Variants in CAPSL observed in about 807,000 individuals in gnomAD.
The protein encoded by CAPSL is calcyphosine like, also known as calcyphosin-like protein.
A neutral mutation model predicts 21.3 loss-of-function variants in CAPSL; 17 were observed. The observed-to-expected ratio is 0.80, with a 90% CI of 0.55 to 1.20. The LOEUF (loss-of-function observed/expected upper bound fraction) is 1.20, where lower values mean the gene tolerates loss of function less well. Among genes scored for constraint, CAPSL ranks in the 50% most tolerant of loss-of-function variants. The pLI, the probability that CAPSL is intolerant of heterozygous loss-of-function variation, is 0.00. For missense variants in CAPSL, 289 were observed against 259.3 expected (o/e 1.11, Z -0.79); for synonymous variants, 102 against 89.3 (o/e 1.14, Z -0.80).
chr5:35,936,289 A>T (rs889236559), intron 1 of CAPSL, among the ~76,000 whole-genome samples: 1 of 152,066 alleles, frequency 6.6e-6, no homozygotes, highest in African/African-American at 2.4e-5. Flanking sequence ...TGCAACACAG[A>T]GGCCTACCCC....
chr5:35,906,909 T>A (rs776184962), intron 4 of CAPSL, among the ~76,000 whole-genome samples: 2 of 152,204 alleles, frequency 1.3e-5, no homozygotes, highest in Non-Finnish European at 2.9e-5. Context: ...CTAATGTATT[T>A]GATCATTTCA....
chr5:35,917,001 A>G (rs1483721815), intron 2 of CAPSL, among the ~76,000 whole-genome samples: 1 of 152,152 alleles, frequency 6.6e-6, no homozygotes, highest in Non-Finnish European at 1.5e-5. Flanking sequence ...TCTACAATGA[A>G]CTCAAACAAA....
chr5:35,924,419 G>T (rs1738614328), intron 1 of CAPSL, among the ~76,000 whole-genome samples: 1 of 152,196 alleles, frequency 6.6e-6, no homozygotes, highest in African/African-American at 2.4e-5. Context: ...GTTTGATGGT[G>T]CTTTCTCATA....
At chr5:35,920,553 T>A (rs777634664) in intron 2 of CAPSL, among the ~76,000 whole-genome samples, 9 of 152,202 alleles carry the variant, frequency 5.9e-5, no homozygotes, top group Non-Finnish European at 1.0e-4. Context: ...GCAATACCAG[T>A]GTCCCTGGAA....
intron 2 of CAPSL, 126 bp from the exon 3 acceptor site, chr5:35,910,669 T>G: frequency 3.0e-6 from 2 of 666,812 alleles, no homozygotes; most frequent in South Asian, 4.7e-5. Flanking sequence ...AATTCTTCTC[T>G]GCACCCTCCT....
chr5:35,911,422 G>A lies in CAPSL; in HGVS notation c.138-879C>T, dbSNP rs116107925. On this transcript the variant is annotated intron_variant, in intron 2 of 4. Coordinates refer to ENST00000651391, the MANE Select transcript of CAPSL (RefSeq NM_001042625.2). ...CTTGGTATAATGTGATAAAAATGGTGCTTTATGTCTGTGGTCCCTAAAAAT... is the reference window on the plus strand; with the variant it reads ...CTTGGTATAATGTGATAAAAATGGTACTTTATGTCTGTGGTCCCTAAAAAT... 2.7e-3 allele frequency among the ~76,000 whole-genome samples: 416 copies of A among 152,266 alleles called. 5 individuals carry two copies. The highest frequency in any genetic ancestry group is 9.8e-3 in the African/African-American group (408 of 41,544).
intron 1 of CAPSL, among the ~76,000 whole-genome samples, chr5:35,937,763 T>G (rs2149937251): frequency 6.6e-6 from 1 of 152,034 alleles, no homozygotes; most frequent in East Asian, 1.9e-4. Flanking sequence ...TGCCTGAAAT[T>G]CAAATCTCAA....
chr5:35,936,979 T>C (rs1269649155), intron 1 of CAPSL, among the ~76,000 whole-genome samples: 3 of 152,224 alleles, frequency 2.0e-5, no homozygotes, highest in Non-Finnish European at 2.9e-5. Flanking sequence ...ACCATTTACC[T>C]GGGTCATTAA....
At chr5:35,931,407 C>T (rs1738819530) in intron 1 of CAPSL, among the ~76,000 whole-genome samples, 2 of 149,318 alleles carry the variant, frequency 1.3e-5, no homozygotes, top group Non-Finnish European at 3.0e-5. Context: ...GCATAATATT[C>T]AAGAACCCAT....
rs1161458089 is a variant in CAPSL, at chr5:35,924,176, C to T, written c.1-3056G>A. ...GAGAAATCAGGTAACTTGCCCAAGT[C>T]GCACGGAAACATGACTCACAGTAAT... On this transcript the variant is annotated intron_variant, in intron 1 of 4. Coordinates refer to ENST00000651391, the MANE Select transcript of CAPSL (RefSeq NM_001042625.2). Among the ~76,000 whole-genome samples, 9 of 152,280 alleles carry T rather than the reference C, an allele frequency of 5.9e-5. No individual in the cohort carries two copies. In the East Asian group the frequency reaches 1.5e-3, roughly 26 times the overall value.
At chr5:35,919,191 A>ATATATATATATATATATATATATATATAT (rs1561439733) in intron 2 of CAPSL, among the ~76,000 whole-genome samples, 1 of 107,450 alleles carries the variant, frequency 9.3e-6, no homozygotes, top group African/African-American at 3.3e-5. Context: ...ATATATATAT[A>ATATATATATATATATATATATATATATAT]AAAATTGTGA....
intron 1 of CAPSL, among the ~76,000 whole-genome samples, chr5:35,922,994 G>T (rs1184706956): frequency 1.3e-5 from 2 of 152,024 alleles, no homozygotes; most frequent in African/African-American, 2.4e-5. Context: ...CCCTATGGAA[G>T]CAGGAACTGG....
chr5:35,915,870 A>C (rs1738371872), intron 2 of CAPSL, among the ~76,000 whole-genome samples: 1 of 152,250 alleles, frequency 6.6e-6, no homozygotes, highest in Non-Finnish European at 1.5e-5. Flanking sequence ...CAGAGCAATC[A>C]GACAGGAGCA....
At chr5:35,914,149 G>C (rs947324916) in intron 2 of CAPSL, among the ~76,000 whole-genome samples, 1 of 152,208 alleles carries the variant, frequency 6.6e-6, no homozygotes, top group Non-Finnish European at 1.5e-5. Context: ...AATTCAACAA[G>C]AAGAGCTAAC....
At chr5:35,915,668 T>G (rs1327121290) in intron 2 of CAPSL, among the ~76,000 whole-genome samples, 1 of 152,186 alleles carries the variant, frequency 6.6e-6, no homozygotes, top group Non-Finnish European at 1.5e-5. Context: ...CAACCCTTCA[T>G]GCTAAAAACT....
At position 35,910,466 on chromosome 5, in the gene CAPSL, G is replaced by T; in HGVS notation, c.215C>A (p.Ala72Asp). Residue 72 changes from alanine to aspartate, a missense_variant, in exon 3 of 5, where the codon GCT (alanine) becomes GAT (aspartate). By Grantham distance (126) the Ala-to-Asp change is moderately radical. Coordinates refer to ENST00000651391, the MANE Select transcript of CAPSL (RefSeq NM_001042625.2). The part of the protein sequence containing the change: ...KEFMKGLNDY[A>D]VVMEKEEVEE... ...CACCTCTTCTTTTTCCATGACCACA[G>T]CATAATCATTTAACCCTTTCATAAA... 1 of 1,612,818 alleles carries T rather than the reference G, an allele frequency of 6.2e-7. No homozygotes were observed. Among genetic ancestry groups the T allele is most frequent in the South Asian group, 1.1e-5 (1 of 91,038 alleles).
At chr5:35,934,897 T>A (rs1229021336) in intron 1 of CAPSL, among the ~76,000 whole-genome samples, 1 of 152,186 alleles carries the variant, frequency 6.6e-6, no homozygotes, top group Non-Finnish European at 1.5e-5. Context: ...GTACAATATC[T>A]TTATCCTGGA....
chr5:35,905,096 A>T (rs943443322), intron 4 of CAPSL, among the ~76,000 whole-genome samples: 59 of 152,072 alleles, frequency 3.9e-4, no homozygotes, highest in Admixed American at 3.9e-3. Context: ...GAAGAAACAG[A>T]TTTCTAGTTA....
chr5:35,934,611 A>C (rs1738899270), intron 1 of CAPSL, among the ~76,000 whole-genome samples: 1 of 152,214 alleles, frequency 6.6e-6, no homozygotes, highest in Admixed American at 6.5e-5. Flanking sequence ...CCTTTCTGCC[A>C]AGCCACAGTT....
Sources: gnomAD v4.1 joint callset for allele counts (sites outside exome capture counted in the v4.1 genomes callset) on GRCh38, gnomAD v4.1.1 for gene constraint, MANE v1.5 for transcripts, NCBI Gene and HGNC (gene_info 2026-07-23, HGNC 2026-07-21) for gene names.